The following FGF1 variants were observed in gnomAD, a reference collection of about 807,000 sequenced individuals.
FGF1 encodes beta-endothelial cell growth factor.
In FGF1, 9 loss-of-function variants were observed where a neutral mutation model predicts 13.4. The ratio of observed to expected loss-of-function variants is 0.67; its 90% CI spans 0.40 to 1.17. FGF1 has a LOEUF of 1.17. Ranked by LOEUF, FGF1 falls within the 50% of genes most tolerant of loss-of-function variation. FGF1 has a pLI of 0.01. For synonymous variants in FGF1, 93 were observed against 79.0 expected (o/e 1.18, Z -0.94); for missense variants, 156 against 192.7 (o/e 0.81, Z 1.13).
chr5:142,606,653 G>T (rs1329210873), intron 2 of FGF1, among the ~76,000 whole-genome samples: 1 of 152,040 alleles, frequency 6.6e-6, no homozygotes, highest in African/African-American at 2.4e-5. Context: ...CACAATACGT[G>T]TGTAGCTCAT....
At chr5:142,692,669 A>ACACACACG (rs1166994601) in intron 2 of FGF1, among the ~76,000 whole-genome samples, 6 of 150,498 alleles carry the variant, frequency 4.0e-5, no homozygotes, top group Admixed American at 6.6e-5. Flanking sequence ...GGACACACAC[A>ACACACACG]CACACACGCA....
chr5:142,601,622 G>A (rs995707052), intron 2 of FGF1, among the ~76,000 whole-genome samples: 1 of 152,070 alleles, frequency 6.6e-6, no homozygotes, highest in Non-Finnish European at 1.5e-5. Flanking sequence ...AGCTAGGGGG[G>A]GCGGGTGCTA....
intron 1 of FGF1, among the ~76,000 whole-genome samples, chr5:142,634,923 C>T (rs1336293686): frequency 6.6e-6 from 1 of 151,152 alleles, no homozygotes; most frequent in South Asian, 2.1e-4. Flanking sequence ...AACAGTCAGG[C>T]TGAGTAATTA....
At chr5:142,613,499 G>T (rs1351903820) in intron 2 of FGF1, among the ~76,000 whole-genome samples, 1 of 152,244 alleles carries the variant, frequency 6.6e-6, no homozygotes, top group Non-Finnish European at 1.5e-5. Context: ...TATGAACTGG[G>T]ATTTCACAAA....
chr5:142,641,559 T>G lies in FGF1; in HGVS notation c.-34-27398A>C, dbSNP rs17223388. Reference sequence around the variant, plus strand: ...AATGAAAATGAAAAACCAGTATCACTTGCCACAGATGGTCATTGTAAAGGT... The same window carrying G: ...AATGAAAATGAAAAACCAGTATCACGTGCCACAGATGGTCATTGTAAAGGT... On this transcript the variant is annotated intron_variant, in intron 1 of 3. Coordinates refer to ENST00000337706, the MANE Select transcript of FGF1 (RefSeq NM_000800.5). 2.0e-3 allele frequency among the ~76,000 whole-genome samples: 309 copies of G among 152,180 alleles called. 3 individuals are homozygous for G. Among genetic ancestry groups the G allele is most frequent in the African/African-American group, 7.0e-3 (292 of 41,430 alleles).
At position 142,614,625 on chromosome 5, in the gene FGF1, A is replaced by G. The variant is rs548008959; in HGVS notation, c.-34-464T>C. Reference sequence around the variant, plus strand: ...GCGTTGGTGAGGTACCGCGAAGCAGATAGCACAGATGGCCTGGACGTTCGG... The same window carrying G: ...GCGTTGGTGAGGTACCGCGAAGCAGGTAGCACAGATGGCCTGGACGTTCGG... On this transcript the variant is annotated intron_variant, in intron 1 of 3. Transcript: ENST00000337706. Among the ~76,000 whole-genome samples, 87 of 152,304 alleles carry G rather than the reference A, an allele frequency of 5.7e-4. 1 individual carries two copies. In the South Asian group the frequency reaches 0.017, roughly 29 times the overall value.
chr5:142,650,216 A>ACTG (rs555962244), intron 1 of FGF1, among the ~76,000 whole-genome samples: 27 of 152,266 alleles, frequency 1.8e-4, no homozygotes, highest in Non-Finnish European at 2.6e-4. Context: ...ACATTGACTG[A>ACTG]CTGCTCTTCT....
At chr5:142,665,725 C>T (rs1178642847) in intron 1 of FGF1, among the ~76,000 whole-genome samples, 1 of 152,198 alleles carries the variant, frequency 6.6e-6, no homozygotes, top group African/African-American at 2.4e-5. Context: ...CCCATATCTT[C>T]AGAAACCCAT....
chr5:142,634,334 A>G (rs976321926), intron 1 of FGF1, among the ~76,000 whole-genome samples: 6 of 152,246 alleles, frequency 3.9e-5, no homozygotes, highest in Non-Finnish European at 2.9e-5. Context: ...AGTGTATTGA[A>G]GTAATACTTG....
intron 1 of FGF1, among the ~76,000 whole-genome samples, chr5:142,635,316 T>G (rs1415495118): frequency 6.6e-6 from 1 of 152,224 alleles, no homozygotes; most frequent in Non-Finnish European, 1.5e-5. Context: ...TACTAAGGTC[T>G]CAGTAAATGT....
intron 3 of FGF1, among the ~76,000 whole-genome samples, chr5:142,599,554 C>G (rs929530141): frequency 5.9e-5 from 9 of 152,172 alleles, no homozygotes; most frequent in African/African-American, 2.2e-4. Context: ...CTAGGAATTA[C>G]AGCCAAGCCT....
At chr5:142,626,525 C>T (rs1043554296) in intron 1 of FGF1, among the ~76,000 whole-genome samples, 15 of 152,172 alleles carry the variant, frequency 9.9e-5, no homozygotes, top group Non-Finnish European at 4.4e-5. Flanking sequence ...ATAAAATGCC[C>T]CTTGAACTGA....
upstream of FGF1, among the ~76,000 whole-genome samples, chr5:142,687,917 G>A (rs892773995): frequency 7.2e-5 from 11 of 152,214 alleles, no homozygotes; most frequent in African/African-American, 2.7e-4. Context: ...CCTCCTAGTG[G>A]AAATTAATGA....
chr5:142,603,876 C>A (rs1757100456), intron 2 of FGF1, among the ~76,000 whole-genome samples: 1 of 152,228 alleles, frequency 6.6e-6, no homozygotes, highest in East Asian at 1.9e-4. Context: ...ATTTCTCAGT[C>A]TAACAGTCTA....
At chr5:142,648,689 C>CAAAAAA (rs11451715) in intron 1 of FGF1, among the ~76,000 whole-genome samples, 1,297 of 65,576 alleles carry the variant, frequency 0.02, 1 homozygote, top group East Asian at 0.034. Context: ...CCCCACCAAC[C>CAAAAAA]AAAAAAAAAA....
intron 1 of FGF1, among the ~76,000 whole-genome samples, chr5:142,638,824 A>G (rs1190369915): frequency 6.6e-6 from 1 of 152,064 alleles, no homozygotes; most frequent in African/African-American, 2.4e-5. Flanking sequence ...AAACAACTCA[A>G]CAGTAAGAAA....
upstream of FGF1, among the ~76,000 whole-genome samples, chr5:142,688,108 C>A (rs1460090804): frequency 6.6e-6 from 1 of 152,074 alleles, no homozygotes; most frequent in African/African-American, 2.4e-5. Flanking sequence ...CACACACATA[C>A]ACACACAGCT....
chr5:142,647,267 C>T (rs1766336793), intron 1 of FGF1, among the ~76,000 whole-genome samples: 1 of 152,220 alleles, frequency 6.6e-6, no homozygotes, highest in South Asian at 2.1e-4. Flanking sequence ...ACCACTGGAA[C>T]AAACCTTACC....
chr5:142,595,605 T>C, intron 3 of FGF1, 121 bp from the exon 4 acceptor site: 1 of 800,238 alleles, frequency 1.2e-6, no homozygotes, highest in East Asian at 2.7e-5. Context: ...TCAGTCTCCT[T>C]TTCAGGAAAA....
Sources: allele counts gnomAD v4.1 joint callset (sites outside exome capture counted in the v4.1 genomes callset), GRCh38; gene constraint gnomAD v4.1.1; transcripts MANE v1.5; gene names NCBI Gene and HGNC (gene_info 2026-07-23, HGNC 2026-07-21).